AFDN: variants seen among roughly 807,000 people sequenced by gnomAD.
AFDN encodes afadin.
AFDN carries 68 observed loss-of-function variants against 216.6 expected under a neutral mutation model. That is an observed-to-expected ratio of 0.31 (90% CI 0.26 to 0.38). The LOEUF is 0.38. Among genes scored for constraint, AFDN ranks in the 10% least tolerant of loss-of-function variants. The probability of loss-of-function intolerance (pLI) is 1.00; values close to 1 mark genes in which losing one functional copy is unlikely to be tolerated. For synonymous variants in AFDN, 868 were observed against 853.7 expected (o/e 1.02, Z -0.29); for missense variants, 2,136 against 2,342.0 (o/e 0.91, Z 1.82).
intron 1 of AFDN, among the ~76,000 whole-genome samples, chr6:167,843,157 A>C (rs2187985): frequency 0.54 from 81,680 of 151,644 alleles, 22,781 homozygotes; most frequent in African/African-American, 0.63. Flanking sequence ...CTATGTGCAA[A>C]TATTACCTCC....
At chr6:167,949,044 G>A (rs972839786) in intron 29 of AFDN, among the ~76,000 whole-genome samples, 3 of 152,242 alleles carry the variant, frequency 2.0e-5, no homozygotes, top group Non-Finnish European at 1.5e-5. Flanking sequence ...AGTGAAGATA[G>A]GCGGGGCCAG....
chr6:167,909,958 G>A (rs1790181132), intron 13 of AFDN, among the ~76,000 whole-genome samples: 1 of 152,184 alleles, frequency 6.6e-6, no homozygotes, highest in Non-Finnish European at 1.5e-5. Flanking sequence ...TTGACTATGT[G>A]TTTCGCTGGT....
intron 6 of AFDN, among the ~76,000 whole-genome samples, chr6:167,883,572 T>C (rs917509248): frequency 3.3e-5 from 5 of 152,216 alleles, no homozygotes; most frequent in Non-Finnish European, 7.3e-5. Context: ...CATCGCAGTA[T>C]AGTGAATCAC....
chr6:167,846,402 T>A (rs1781687253), intron 1 of AFDN, among the ~76,000 whole-genome samples: 1 of 152,138 alleles, frequency 6.6e-6, no homozygotes, highest in Non-Finnish European at 1.5e-5. Flanking sequence ...TTGAGAAGAT[T>A]CTCAAAATGA....
chr6:167,904,944 C>T (rs1179794445), intron 12 of AFDN, among the ~76,000 whole-genome samples: 6 of 152,226 alleles, frequency 3.9e-5, no homozygotes. Flanking sequence ...TTGCTCAGCC[C>T]CTATGCCCTG....
At chr6:167,850,788 A>G (rs1191585769) in intron 1 of AFDN, among the ~76,000 whole-genome samples, 1 of 152,198 alleles carries the variant, frequency 6.6e-6, no homozygotes, top group Non-Finnish European at 1.5e-5. Context: ...AACATTTTAT[A>G]ATTTTGTGTA....
chr6:167,844,483 AATC>A (rs1405164785), intron 1 of AFDN, among the ~76,000 whole-genome samples: 1 of 152,228 alleles, frequency 6.6e-6, no homozygotes, highest in African/African-American at 2.4e-5. Flanking sequence ...TCCATGTAGT[AATC>A]ATTTTCTTAA....
intron 6 of AFDN, among the ~76,000 whole-genome samples, chr6:167,883,804 T>G (rs1786446211): frequency 6.6e-6 from 1 of 152,216 alleles, no homozygotes; most frequent in African/African-American, 2.4e-5. Flanking sequence ...TGGTGGTTGC[T>G]GAAGGTGAGT....
chr6:167,838,976 C>T (rs1290616959), intron 1 of AFDN, among the ~76,000 whole-genome samples: 2 of 152,152 alleles, frequency 1.3e-5, no homozygotes, highest in African/African-American at 4.8e-5. Flanking sequence ...TTATTTCTAT[C>T]GGTTTAATGT....
At chr6:167,876,746 A>G (rs554018973) in intron 5 of AFDN, among the ~76,000 whole-genome samples, 18 of 152,310 alleles carry the variant, frequency 1.2e-4, no homozygotes, top group African/African-American at 3.4e-4. Context: ...ATATGCTTTA[A>G]TGTGGTTAGA....
chr6:167,945,096 C>A (rs969292829), intron 26 of AFDN, among the ~76,000 whole-genome samples: 1 of 152,066 alleles, frequency 6.6e-6, no homozygotes, highest in East Asian at 1.9e-4. Context: ...GCTTAAAACA[C>A]AAACATGTTG....
intron 23 of AFDN, chr6:167,932,905 TAC>T (rs1378424185): frequency 6.6e-6 from 1 of 152,212 alleles, no homozygotes; most frequent in African/African-American, 2.4e-5. Flanking sequence ...AGCTTGTAAT[TAC>T]ACACTCTTTT....
chr6:167,915,595 G>T (rs376115739), intron 19 of AFDN, among the ~76,000 whole-genome samples, 162 bp downstream of exon 19: 1 of 152,166 alleles, frequency 6.6e-6, no homozygotes, highest in Admixed American at 6.5e-5. Context: ...CTTGGGCTGC[G>T]GTTACAAAGT....
chr6:167,842,744 A>G (rs989165486), intron 1 of AFDN, among the ~76,000 whole-genome samples: 1 of 152,196 alleles, frequency 6.6e-6, no homozygotes, highest in African/African-American at 2.4e-5. Flanking sequence ...AATCTAGGTG[A>G]TGATTTACCT....
intron 20 of AFDN, 25 bp from the exon 21 acceptor site, chr6:167,918,710 A>T (rs2128484813): frequency 6.2e-7 from 1 of 1,612,070 alleles, no homozygotes; most frequent in Non-Finnish European, 8.5e-7. Context: ...ATCTCTTTTT[A>T]ATTTTGCGTT....
intron 31 of AFDN, 40 bp from the exon 32 acceptor site, chr6:167,965,717 C>T: frequency 2.0e-6 from 3 of 1,481,352 alleles, no homozygotes; most frequent in Non-Finnish European, 2.7e-6. Flanking sequence ...GTTCCCTTCT[C>T]ACCTCTGACC....
chr6:167,841,849 T>G (rs959317431), intron 1 of AFDN, among the ~76,000 whole-genome samples: 1 of 152,156 alleles, frequency 6.6e-6, no homozygotes, highest in African/African-American at 2.4e-5. Flanking sequence ...CTTTCTTCTT[T>G]TGAGATCCCA....
chr6:167,839,554 A>G (rs1780816759), intron 1 of AFDN, among the ~76,000 whole-genome samples: 1 of 152,284 alleles, frequency 6.6e-6, no homozygotes, highest in East Asian at 1.9e-4. Flanking sequence ...GAAGTGAACA[A>G]TTACCTAATG....
chr6:167,902,532 A>G (rs746558787), intron 12 of AFDN, 146 bp downstream of exon 12: 14 of 608,826 alleles, frequency 2.3e-5, no homozygotes, highest in Non-Finnish European at 4.1e-5. Flanking sequence ...TAAATAGTAC[A>G]GAGCCCTATG....
Sources: gnomAD v4.1 joint callset for allele counts (sites outside exome capture counted in the v4.1 genomes callset) on GRCh38, gnomAD v4.1.1 for gene constraint, MANE v1.5 for transcripts, NCBI Gene and HGNC (gene_info 2026-07-23, HGNC 2026-07-21) for gene names.